SEMA3E: variants seen among roughly 807,000 people sequenced by gnomAD.
The protein encoded by SEMA3E is semaphorin-3E.
In SEMA3E, 49 loss-of-function variants were observed where a neutral mutation model predicts 93.6. The observed-to-expected ratio is 0.52, with a 90% CI of 0.42 to 0.66. The LOEUF is 0.66. Ranked by LOEUF, SEMA3E falls within the 30% of genes least tolerant of loss-of-function variation. SEMA3E has a pLI of 0.00. For synonymous variants in SEMA3E, 363 were observed against 330.7 expected (o/e 1.10, Z -1.06); for missense variants, 906 against 964.8 (o/e 0.94, Z 0.81).
intron 2 of SEMA3E, among the ~76,000 whole-genome samples, chr7:83,484,881 G>A (rs976185818): frequency 7.2e-5 from 11 of 152,140 alleles, no homozygotes; most frequent in African/African-American, 2.7e-4. Context: ...TTGGTGCAGA[G>A]CTAAATAAAT....
intron 16 of SEMA3E, among the ~76,000 whole-genome samples, chr7:83,374,469 T>C (rs1477441647): frequency 1.3e-5 from 2 of 151,896 alleles, no homozygotes; most frequent in Non-Finnish European, 2.9e-5. Flanking sequence ...CTATAAGGGG[T>C]TATTTGCAGA....
rs376601624 is a variant in SEMA3E, at chr7:83,619,378, C to A, written c.115+29050G>T. Among the ~76,000 whole-genome samples the A allele has an allele frequency of 7.9e-5, 12 of 151,840 alleles. 1 individual carries two copies. The highest frequency in any genetic ancestry group is 6.6e-5 in the Admixed American group (1 of 15,204). ...TTGAACAAAGCAAAATATAAAAACC[C>A]AGAAACAAAAACAAAAAACATCGTG... is the stretch of plus-strand genomic sequence containing the variant. On this transcript the variant is annotated intron_variant, in intron 1 of 16. Coordinates refer to ENST00000643230, the MANE Select transcript of SEMA3E (RefSeq NM_012431.3).
intron 1 of SEMA3E, among the ~76,000 whole-genome samples, chr7:83,621,865 G>A (rs370144637): frequency 3.9e-5 from 6 of 152,246 alleles, no homozygotes; most frequent in African/African-American, 1.2e-4. Context: ...AGATTTAAAT[G>A]TAAAACCCAT....
chr7:83,408,288 A>G, intron 6 of SEMA3E, 80 bp downstream of exon 6: 2 of 1,520,864 alleles, frequency 1.3e-6, no homozygotes, highest in Non-Finnish European at 1.8e-6. Flanking sequence ...TATTCTTATT[A>G]TTATCAAAAT....
At chr7:83,500,445 A>G (rs540051151) in intron 1 of SEMA3E, among the ~76,000 whole-genome samples, 1 of 152,274 alleles carries the variant, frequency 6.6e-6, no homozygotes, top group East Asian at 1.9e-4. Flanking sequence ...CAAAAAAACA[A>G]AAAACAAAAC....
intron 2 of SEMA3E, among the ~76,000 whole-genome samples, chr7:83,487,059 C>T (rs1050316295): frequency 6.6e-6 from 1 of 152,040 alleles, no homozygotes; most frequent in African/African-American, 2.4e-5. Context: ...GGGTCTCCTA[C>T]CCTTATATAG....
chr7:83,465,305 G>C (rs1230541679), intron 4 of SEMA3E, among the ~76,000 whole-genome samples: 1 of 151,882 alleles, frequency 6.6e-6, no homozygotes, highest in Non-Finnish European at 1.5e-5. Context: ...GACTCAGCCC[G>C]CCTGCACCCA....
At chr7:83,466,980 A>G (rs1217455201) in intron 3 of SEMA3E, among the ~76,000 whole-genome samples, 2 of 152,300 alleles carry the variant, frequency 1.3e-5, no homozygotes, top group East Asian at 1.9e-4. Context: ...TAAGTACAGT[A>G]TAAACAATGA....
intron 4 of SEMA3E, 150 bp downstream of exon 4, chr7:83,466,332 C>A: frequency 1.1e-6 from 1 of 912,456 alleles, no homozygotes; most frequent in Non-Finnish European, 1.7e-6. Context: ...TTTAAAGGCC[C>A]AGAAAGATAA....
intron 4 of SEMA3E, among the ~76,000 whole-genome samples, chr7:83,451,817 ACTGT>A (rs1461808747): frequency 1.3e-5 from 2 of 152,152 alleles, no homozygotes; most frequent in African/African-American, 2.4e-5. Flanking sequence ...AACAAGAAAC[ACTGT>A]CTGTGACAAA....
At chr7:83,495,752 G>A (rs1466158630) in intron 1 of SEMA3E, among the ~76,000 whole-genome samples, 2 of 151,794 alleles carry the variant, frequency 1.3e-5, no homozygotes, top group Admixed American at 6.6e-5. Context: ...AAAGGAATGA[G>A]GATAAAATAT....
chr7:83,512,329 C>A (rs1397697029), intron 1 of SEMA3E, among the ~76,000 whole-genome samples: 1 of 152,154 alleles, frequency 6.6e-6, no homozygotes, highest in Non-Finnish European at 1.5e-5. Flanking sequence ...AAGCTAGCAA[C>A]CCCACGTAAG....
chr7:83,542,942 TC>T (rs755492079), intron 1 of SEMA3E, among the ~76,000 whole-genome samples: 18 of 152,058 alleles, frequency 1.2e-4, no homozygotes, highest in Non-Finnish European at 1.8e-4. Context: ...TAAACAAAAG[TC>T]TTTTTGTGGC....
At chr7:83,609,749 A>G (rs994487863) in intron 1 of SEMA3E, among the ~76,000 whole-genome samples, 1 of 152,010 alleles carries the variant, frequency 6.6e-6, no homozygotes, top group African/African-American at 2.4e-5. Flanking sequence ...ACAATCTTGC[A>G]TAAAACTTGT....
chr7:83,387,124 T>C, intron 14 of SEMA3E, 74 bp from the exon 15 acceptor site: 1 of 1,225,692 alleles, frequency 8.2e-7, no homozygotes, highest in Non-Finnish European at 1.2e-6. Context: ...CAATTGCATT[T>C]CATATACAAG....
chr7:83,482,762 C>G (rs1790174150), intron 2 of SEMA3E, among the ~76,000 whole-genome samples: 1 of 151,646 alleles, frequency 6.6e-6, no homozygotes, highest in Non-Finnish European at 1.5e-5. Context: ...AATGTTAATA[C>G]AATATGGGAA....
intron 1 of SEMA3E, among the ~76,000 whole-genome samples, chr7:83,525,034 A>C (rs1018256697): frequency 1.3e-5 from 2 of 152,048 alleles, no homozygotes; most frequent in African/African-American, 4.8e-5. Context: ...ACATCATCTA[A>C]GAGTTTTCTA....
intron 5 of SEMA3E, among the ~76,000 whole-genome samples, chr7:83,413,153 G>A (rs1053200085): frequency 2.0e-5 from 3 of 152,062 alleles, no homozygotes; most frequent in Non-Finnish European, 4.4e-5. Flanking sequence ...AACTCTAGTT[G>A]AAGTTTTAAT....
intron 8 of SEMA3E, 24 bp downstream of exon 8, chr7:83,405,921 T>C: frequency 6.5e-7 from 1 of 1,543,250 alleles, no homozygotes; most frequent in South Asian, 1.1e-5. Context: ...AAAGAGCAAA[T>C]TTAATTCACC....
Sources: gnomAD v4.1 joint callset for allele counts (sites outside exome capture counted in the v4.1 genomes callset) on GRCh38, gnomAD v4.1.1 for gene constraint, MANE v1.5 for transcripts, NCBI Gene and HGNC (gene_info 2026-07-23, HGNC 2026-07-21) for gene names.